CNTN5: variants seen among roughly 807,000 people sequenced by gnomAD.
CNTN5 encodes the protein contactin 5.
CNTN5 carries 77 observed loss-of-function variants against 129.1 expected under a neutral mutation model. The observed-to-expected ratio is 0.60, with a 90% CI of 0.50 to 0.72. The LOEUF (loss-of-function observed/expected upper bound fraction) is 0.72. CNTN5 is among the 30% of genes least tolerant of loss of function. CNTN5 has a pLI of 0.00. For missense variants in CNTN5, 1,478 were observed against 1,328.8 expected (o/e 1.11, Z -1.75); for synonymous variants, 509 against 465.6 (o/e 1.09, Z -1.20).
chr11:99,254,304 A>G (rs781169341), intron 1 of CNTN5, among the ~76,000 whole-genome samples: 1 of 152,130 alleles, frequency 6.6e-6, no homozygotes, highest in East Asian at 1.9e-4. Flanking sequence ...ACTGAATAAC[A>G]TGAATATTCA....
intron 3 of CNTN5, among the ~76,000 whole-genome samples, chr11:99,761,572 A>G (rs1178552257): frequency 4.6e-5 from 7 of 151,942 alleles, no homozygotes; most frequent in African/African-American, 1.7e-4. Context: ...AATTTCATCC[A>G]TGTCCCTACA....
chr11:100,050,512 T>C (rs1055146006), intron 9 of CNTN5, among the ~76,000 whole-genome samples: 1 of 151,930 alleles, frequency 6.6e-6, no homozygotes, highest in Non-Finnish European at 1.5e-5. Flanking sequence ...CTTTAGGAGA[T>C]ATACCTAATG....
At chr11:99,676,147 A>G (rs1320714289) in intron 3 of CNTN5, among the ~76,000 whole-genome samples, 3 of 151,470 alleles carry the variant, frequency 2.0e-5, no homozygotes, top group Admixed American at 6.6e-5. Flanking sequence ...ATTGTGATTT[A>G]TAATTATTGA....
In CNTN5 at chr11:99,353,625, G is replaced by A. The variant is rs531056137; in HGVS notation, c.-71+28141G>A. 7.2e-5 allele frequency among the ~76,000 whole-genome samples: 11 copies of A among 152,176 alleles called. No homozygotes were observed. The East Asian group carries it at 1.2e-3, about 16-fold the overall frequency. ...TTGCATATGTATGGCTAAGTCAAAA[G>A]AGGAGGGCCTCCTTCACACAGGCTT... On this transcript the variant is annotated intron_variant, in intron 2 of 24. Coordinates refer to ENST00000524871, the MANE Select transcript of CNTN5 (RefSeq NM_014361.4).
chr11:99,790,437 C>G (rs917797056), intron 3 of CNTN5, among the ~76,000 whole-genome samples: 1 of 151,676 alleles, frequency 6.6e-6, no homozygotes, highest in Admixed American at 6.6e-5. Flanking sequence ...GTTTTCTGTT[C>G]CAGCATTAGT....
chr11:100,083,135 G>A (rs1336269711), intron 13 of CNTN5, among the ~76,000 whole-genome samples: 2 of 152,050 alleles, frequency 1.3e-5, no homozygotes, highest in African/African-American at 4.8e-5. Flanking sequence ...GGATAACATG[G>A]TGAAACACTG....
At chr11:99,569,495 G>T (rs1949111100) in intron 3 of CNTN5, among the ~76,000 whole-genome samples, 1 of 151,974 alleles carries the variant, frequency 6.6e-6, no homozygotes. Context: ...TGTATATTTA[G>T]TAGAGACAGG....
chr11:100,043,302 A>G (rs766164269), intron 9 of CNTN5, among the ~76,000 whole-genome samples: 12 of 152,186 alleles, frequency 7.9e-5, no homozygotes, highest in Non-Finnish European at 1.3e-4. Flanking sequence ...TGGCACTGCC[A>G]GCAGGCTCAA....
At chr11:99,092,542 G>A (rs1866295261) in intron 1 of CNTN5, among the ~76,000 whole-genome samples, 1 of 151,558 alleles carries the variant, frequency 6.6e-6, no homozygotes, top group African/African-American at 2.4e-5. Flanking sequence ...AAGAATGTAT[G>A]TAAAAGAAAG....
chr11:100,099,114 C>A (rs1945124868), intron 13 of CNTN5, among the ~76,000 whole-genome samples: 1 of 152,010 alleles, frequency 6.6e-6, no homozygotes, highest in South Asian at 2.1e-4. Context: ...TTACAAATTA[C>A]TGAAGAATTT....
Position 99,534,842 on chromosome 11 carries a change from A to G in CNTN5, c.-70-21303A>G, listed in dbSNP as rs191033693. ...TGGTCAGGGAGAACTTTTGTCTGGT[A>G]GTGATAAGTCAACTACAATATAAGG... On this transcript the variant is annotated intron_variant, in intron 2 of 24. Coordinates refer to ENST00000524871, the MANE Select transcript of CNTN5 (RefSeq NM_014361.4). Among the ~76,000 whole-genome samples the G allele has an allele frequency of 1.1e-3, 167 of 152,256 alleles. 2 individuals carry two copies. The highest frequency in any genetic ancestry group is 0.01 in the Admixed American group (157 of 15,280).
At chr11:100,077,415 T>C (rs1159925333) in intron 13 of CNTN5, among the ~76,000 whole-genome samples, 1 of 152,196 alleles carries the variant, frequency 6.6e-6, no homozygotes, top group Non-Finnish European at 1.5e-5. Context: ...AAAATTTTGT[T>C]GTTTTGGGTT....
chr11:99,720,757 T>C (rs531224867), intron 3 of CNTN5, among the ~76,000 whole-genome samples: 1 of 152,262 alleles, frequency 6.6e-6, no homozygotes, highest in East Asian at 1.9e-4. Context: ...CCCAGTAGTC[T>C]TGGACAAAAG....
intron 13 of CNTN5, among the ~76,000 whole-genome samples, chr11:100,110,552 A>G (rs1032561823): frequency 6.6e-6 from 1 of 152,248 alleles, no homozygotes; most frequent in African/African-American, 2.4e-5. Flanking sequence ...CTAGAAGAGA[A>G]AAAAACACAG....
At chr11:99,282,406 A>G (rs61893127) in intron 1 of CNTN5, among the ~76,000 whole-genome samples, 6,972 of 152,074 alleles carry the variant, frequency 0.046, 347 homozygotes, top group East Asian at 0.19. Flanking sequence ...AAAAGGGAAT[A>G]ACATTTTTCC....
At chr11:99,566,301 T>C (rs1412077672) in intron 3 of CNTN5, among the ~76,000 whole-genome samples, 1 of 152,314 alleles carries the variant, frequency 6.6e-6, no homozygotes, top group African/African-American at 2.4e-5. Flanking sequence ...GCCATTGTTA[T>C]AAGCTTCCTA....
chr11:99,523,752 G>T (rs984103716), intron 2 of CNTN5, among the ~76,000 whole-genome samples: 1 of 151,880 alleles, frequency 6.6e-6, no homozygotes, highest in Non-Finnish European at 1.5e-5. Context: ...TTGTATCCTC[G>T]GTTCCCACAC....
intron 23 of CNTN5, among the ~76,000 whole-genome samples, chr11:100,349,529 T>C (rs1591534788): frequency 6.6e-6 from 1 of 151,866 alleles, no homozygotes; most frequent in African/African-American, 2.4e-5. Flanking sequence ...TATCATACAG[T>C]AGAATAAATT....
chr11:99,764,074 G>T (rs1467093107), intron 3 of CNTN5, among the ~76,000 whole-genome samples: 3 of 151,956 alleles, frequency 2.0e-5, no homozygotes, highest in African/African-American at 4.8e-5. Flanking sequence ...TTACATTTCT[G>T]TTGTAAAAAT....
Sources: gnomAD v4.1 joint callset for allele counts (sites outside exome capture counted in the v4.1 genomes callset) on GRCh38, gnomAD v4.1.1 for gene constraint, MANE v1.5 for transcripts, NCBI Gene and HGNC (gene_info 2026-07-23, HGNC 2026-07-21) for gene names.